Variants in GLRA3 observed in about 807,000 individuals in gnomAD.
GLRA3 encodes glycine receptor subunit alpha-3.
GLRA3 carries 44 observed loss-of-function variants against 60.4 expected under a neutral mutation model. That is an observed-to-expected ratio of 0.73 (90% CI 0.57 to 0.94). The LOEUF is 0.94. Ranked by LOEUF, GLRA3 falls within the 40% of genes least tolerant of loss-of-function variation. The pLI is 0.00. For missense variants in GLRA3, 508 were observed against 564.6 expected (o/e 0.90, Z 1.02); for synonymous variants, 223 against 192.9 (o/e 1.16, Z -1.29).
chr4:174,811,193 T>G (rs1468379401), intron 1 of GLRA3, among the ~76,000 whole-genome samples: 1 of 151,402 alleles, frequency 6.6e-6, no homozygotes, highest in Non-Finnish European at 1.5e-5. Flanking sequence ...CTGTTTTTTT[T>G]TTTTTTTTTT....
chr4:174,744,665 T>G (rs945962734), intron 3 of GLRA3, among the ~76,000 whole-genome samples: 1 of 152,208 alleles, frequency 6.6e-6, no homozygotes, highest in Non-Finnish European at 1.5e-5. Flanking sequence ...AGTCATTCCT[T>G]GTGAATTCAA....
chr4:174,679,924 T>C (rs946507506), intron 6 of GLRA3, among the ~76,000 whole-genome samples: 10 of 152,288 alleles, frequency 6.6e-5, no homozygotes, highest in Non-Finnish European at 1.3e-4. Context: ...TAAATTCTAG[T>C]GTTCAATAGC....
In GLRA3 at chr4:174,642,007, G is replaced by A. The variant is rs1732635685; in HGVS notation, c.*1779C>T. 3 of 241,922 alleles carry A rather than the reference G, an allele frequency of 1.2e-5. No individual in the cohort carries two copies. Among genetic ancestry groups the A allele is most frequent in the Non-Finnish European group, 2.0e-5 (3 of 150,710 alleles). The allele number at this position is 241,922 out of a possible 1,614,324, so 15.0% of individuals were successfully genotyped here. On this transcript the variant is annotated 3_prime_UTR_variant, in exon 10 of 10. Transcript: ENST00000274093. ...TTTCAGGTGCACAGTCCTCAACGTG[G>A]GTACTTACAGAGTAACAAATTCTTT...
intron 3 of GLRA3, among the ~76,000 whole-genome samples, chr4:174,736,909 A>T (rs1045383130): frequency 6.6e-6 from 1 of 152,224 alleles, no homozygotes; most frequent in Non-Finnish European, 1.5e-5. Flanking sequence ...ATAAAACTAG[A>T]TGCTTTAAAA....
chr4:174,806,172 A>T (rs142935926), intron 1 of GLRA3, among the ~76,000 whole-genome samples: 8 of 152,282 alleles, frequency 5.3e-5, no homozygotes, highest in African/African-American at 1.9e-4. Flanking sequence ...ATTTAAAATA[A>T]TTAAGCTTAA....
Position 174,674,565 on chromosome 4 carries a change from C to CT in GLRA3, c.927+2512dup, listed in dbSNP as rs757255400. On this transcript the variant is annotated intron_variant, in intron 7 of 9. Transcript: ENST00000274093. Reference sequence around the variant, plus strand: ...AGTACATTCTTTGAGATTTCATTCTCTGAGTCTTACTTAAGCAATTTCTGA... The same window carrying CT: ...AGTACATTCTTTGAGATTTCATTCTCTTGAGTCTTACTTAAGCAATTTCTGA... Among the ~76,000 whole-genome samples the CT allele has an allele frequency of 3.9e-5, 6 of 152,138 alleles. No individual in the cohort carries two copies. The East Asian group carries it at 5.8e-4, about 15-fold the overall frequency.
chr4:174,778,831 G>A (rs1233489790), intron 2 of GLRA3, among the ~76,000 whole-genome samples: 12 of 152,246 alleles, frequency 7.9e-5, no homozygotes, highest in South Asian at 2.1e-4. Flanking sequence ...ACCCCACGGA[G>A]TCTCGCTGAT....
intron 4 of GLRA3, among the ~76,000 whole-genome samples, chr4:174,719,833 C>T (rs982733159): frequency 2.0e-5 from 3 of 152,212 alleles, no homozygotes; most frequent in East Asian, 1.9e-4. Flanking sequence ...ATTCTTCTTA[C>T]GACATGCATT....
Position 174,767,006 on chromosome 4 carries a change from T to A in GLRA3, c.224A>T (p.Asn75Ile). 6.2e-7 allele frequency: 1 copy of A among 1,602,668 alleles called. No individual in the cohort carries two copies. Among genetic ancestry groups the A allele is most frequent in the Non-Finnish European group, 8.5e-7 (1 of 1,170,440 alleles). Residue 75 changes from asparagine to isoleucine, a missense_variant, in exon 3 of 10, where the codon AAC becomes ATC. Asn to Ile is a moderately radical substitution (Grantham distance 149). Transcript: ENST00000274093. The part of the protein sequence containing the change: ...FKGPPVNVTC[N>I]IFINSFGSIA... ...AGAGCCAAAGCTGTTGATGAATATG[T>A]TGCATGTGACATTAACTGGAGGGCC...
At chr4:174,703,715 T>C (rs1229623865) in intron 5 of GLRA3, among the ~76,000 whole-genome samples, 1 of 152,212 alleles carries the variant, frequency 6.6e-6, no homozygotes, top group Non-Finnish European at 1.5e-5. Context: ...TGCCGCTCAC[T>C]TATCTTATAA....
chr4:174,819,046 C>T (rs77414306), intron 1 of GLRA3, among the ~76,000 whole-genome samples: 7 of 152,032 alleles, frequency 4.6e-5, no homozygotes, highest in East Asian at 1.9e-4. Context: ...AAAACTTGTA[C>T]GTCTCTTTTT....
At chr4:174,752,433 TC>T in intron 3 of GLRA3, among the ~76,000 whole-genome samples, 1 of 152,318 alleles carries the variant, frequency 6.6e-6, no homozygotes, top group South Asian at 2.1e-4. Context: ...TTGTGCCAGT[TC>T]CGAGGCTTCC....
chr4:174,795,802 G>A (rs1224905431), intron 1 of GLRA3, among the ~76,000 whole-genome samples: 2 of 152,124 alleles, frequency 1.3e-5, no homozygotes, highest in Admixed American at 6.5e-5. Flanking sequence ...CGATTACTCT[G>A]TGTGGTCTCC....
intron 1 of GLRA3, among the ~76,000 whole-genome samples, chr4:174,803,193 T>G (rs536765899): frequency 3.9e-5 from 6 of 152,110 alleles, no homozygotes; most frequent in Admixed American, 2.0e-4. Flanking sequence ...AATGCTAAAC[T>G]TGAAATTCAT....
At chr4:174,647,290 C>T (rs182468695) in intron 9 of GLRA3, among the ~76,000 whole-genome samples, 4 of 151,868 alleles carry the variant, frequency 2.6e-5, no homozygotes, top group African/African-American at 9.7e-5. Context: ...CGCCTGTGGG[C>T]CCAGCTACTC....
intron 3 of GLRA3, 97 bp downstream of exon 3, chr4:174,766,866 G>A (rs1345841127): frequency 1.5e-6 from 1 of 646,944 alleles, no homozygotes; most frequent in African/African-American, 1.8e-5. Flanking sequence ...TTAAAATCTT[G>A]TTATACTAAT....
At position 174,769,300 on chromosome 4, in the gene GLRA3, A is replaced by C. The variant is rs538543111; in HGVS notation, c.200-2270T>G. Among the ~76,000 whole-genome samples, 8 of 152,190 alleles carry C rather than the reference A, an allele frequency of 5.3e-5. No individual in the cohort carries two copies. In the East Asian group the frequency reaches 9.6e-4, roughly 18 times the overall value. Reference sequence around the variant, plus strand: ...GTTATCCAATATTTTTGTATGAAAAAAGGCTTGGTCTTTTTTGTTAGATCA... The same window carrying C: ...GTTATCCAATATTTTTGTATGAAAACAGGCTTGGTCTTTTTTGTTAGATCA... On this transcript the variant is annotated intron_variant, in intron 2 of 9. Transcript: ENST00000274093.
chr4:174,791,023 T>C (rs1192730157), intron 1 of GLRA3, among the ~76,000 whole-genome samples: 1 of 145,548 alleles, frequency 6.9e-6, no homozygotes, highest in Non-Finnish European at 1.5e-5. Flanking sequence ...AAAAAAATAC[T>C]AGATGACTAT....
intron 3 of GLRA3, among the ~76,000 whole-genome samples, chr4:174,740,243 T>C (rs1056215828): frequency 2.6e-5 from 4 of 152,192 alleles, no homozygotes; most frequent in Non-Finnish European, 5.9e-5. Flanking sequence ...AGGCCGACTG[T>C]GTCAGATTAA....
Sources: allele counts gnomAD v4.1 joint callset (sites outside exome capture counted in the v4.1 genomes callset), GRCh38; gene constraint gnomAD v4.1.1; transcripts MANE v1.5; gene names NCBI Gene and HGNC (gene_info 2026-07-23, HGNC 2026-07-21).